PCDHA12: variants seen among roughly 807,000 people sequenced by gnomAD.
The protein encoded by PCDHA12 is protocadherin alpha 12.
A neutral mutation model predicts 60.0 loss-of-function variants in PCDHA12; 44 were observed. The observed-to-expected ratio is 0.73, with a 90% CI of 0.58 to 0.94. The LOEUF (loss-of-function observed/expected upper bound fraction) is 0.94. Among genes scored for constraint, PCDHA12 ranks in the 40% least tolerant of loss-of-function variants. PCDHA12 has a pLI of 0.00. For synonymous variants in PCDHA12, 569 were observed against 553.0 expected (o/e 1.03, Z -0.40); for missense variants, 1,276 against 1,239.7 (o/e 1.03, Z -0.44).
chr5:140,995,764 G>C (rs2097697128), intron 3 of PCDHA12, among the ~76,000 whole-genome samples: 1 of 152,134 alleles, frequency 6.6e-6, no homozygotes, highest in Non-Finnish European at 1.5e-5. Flanking sequence ...AGAAAATGTG[G>C]AGAGTGAAGG....
chr5:140,882,189 T>A, intron 1 of PCDHA12: 6 of 1,519,304 alleles, frequency 3.9e-6, no homozygotes, highest in Non-Finnish European at 5.3e-6. Context: ...TAGGAAGCCA[T>A]AAAAATTGGG....
intron 1 of PCDHA12, among the ~76,000 whole-genome samples, chr5:140,960,168 T>C (rs569250147): frequency 9.2e-5 from 14 of 152,300 alleles, no homozygotes; most frequent in African/African-American, 3.1e-4. Flanking sequence ...AATACAATTC[T>C]TAAGTTAGGG....
At chr5:140,884,130 C>G (rs1554181258) in intron 1 of PCDHA12, 4 of 1,613,434 alleles carry the variant, frequency 2.5e-6, no homozygotes, top group African/African-American at 1.3e-5. Context: ...GCGCGCATCC[C>G]GTTCCGCGTG....
chr5:141,002,023 G>GC (rs1479327416), intron 3 of PCDHA12, among the ~76,000 whole-genome samples: 4 of 152,186 alleles, frequency 2.6e-5, no homozygotes, highest in Admixed American at 6.5e-5. Flanking sequence ...ACAGCCTTCG[G>GC]TGCCCTGACT....
chr5:140,981,626 T>A (rs1199717691), intron 2 of PCDHA12, among the ~76,000 whole-genome samples: 1 of 152,176 alleles, frequency 6.6e-6, no homozygotes, highest in Middle Eastern at 3.2e-3. Flanking sequence ...GAGGGTTTTC[T>A]TGGACATTTT....
At chr5:140,973,628 T>G (rs1005772685) in intron 1 of PCDHA12, among the ~76,000 whole-genome samples, 13 of 152,250 alleles carry the variant, frequency 8.5e-5, no homozygotes, top group Admixed American at 2.6e-4. Context: ...TTCTGTATCT[T>G]GTACACATTC....
At chr5:140,956,195 G>A (rs1324151692) in intron 1 of PCDHA12, among the ~76,000 whole-genome samples, 1 of 152,178 alleles carries the variant, frequency 6.6e-6, no homozygotes, top group Non-Finnish European at 1.5e-5. Flanking sequence ...CTGAATAGGA[G>A]TGGTGAAAGA....
At chr5:140,923,434 G>A (rs1461886077) in intron 1 of PCDHA12, among the ~76,000 whole-genome samples, 1 of 152,088 alleles carries the variant, frequency 6.6e-6, no homozygotes, top group Non-Finnish European at 1.5e-5. Context: ...AGGCTGGGGT[G>A]GGAGGATCAC....
chr5:140,898,965 G>T (rs2067069000), intron 1 of PCDHA12, among the ~76,000 whole-genome samples: 1 of 152,044 alleles, frequency 6.6e-6, no homozygotes, highest in Non-Finnish European at 1.5e-5. Flanking sequence ...GTGAATGGGA[G>T]TTCACTCATG....
intron 1 of PCDHA12, among the ~76,000 whole-genome samples, chr5:140,944,948 A>T (rs1425847139): frequency 6.6e-6 from 1 of 152,200 alleles, no homozygotes; most frequent in African/African-American, 2.4e-5. Context: ...ATGATTGTGA[A>T]TAAGAGTATT....
chr5:140,892,424 C>T (rs1288815822), intron 1 of PCDHA12, among the ~76,000 whole-genome samples: 1 of 152,040 alleles, frequency 6.6e-6, no homozygotes, highest in Non-Finnish European at 1.5e-5. Context: ...CTAGATAAAA[C>T]CTCATTATCT....
At chr5:140,984,307 G>T (rs2153833813) in intron 3 of PCDHA12, among the ~76,000 whole-genome samples, 1 of 152,288 alleles carries the variant, frequency 6.6e-6, no homozygotes, top group Non-Finnish European at 1.5e-5. Context: ...GCTGGTTGGT[G>T]TGTATTCCTA....
chr5:140,881,353 G>A (rs537796043), intron 1 of PCDHA12: 1 of 985,178 alleles, frequency 1.0e-6, no homozygotes, highest in East Asian at 1.1e-4. Flanking sequence ...GCTACAATGC[G>A]TGGCTTTCGT....
chr5:140,967,009 T>G, intron 1 of PCDHA12: 1 of 1,606,176 alleles, frequency 6.2e-7, no homozygotes, highest in Non-Finnish European at 8.5e-7. Flanking sequence ...GCATCAACCA[T>G]CTGGGTGCGC....
At chr5:140,908,971 C>T (rs2074247509) in intron 1 of PCDHA12, among the ~76,000 whole-genome samples, 1 of 152,274 alleles carries the variant, frequency 6.6e-6, no homozygotes, top group Admixed American at 6.5e-5. Flanking sequence ...TGATAGGCCC[C>T]ACTCCACTGG....
At chr5:140,972,783 C>T (rs1437997582) in intron 1 of PCDHA12, among the ~76,000 whole-genome samples, 2 of 151,768 alleles carry the variant, frequency 1.3e-5, no homozygotes, top group African/African-American at 4.8e-5. Context: ...TCTGCCTCAG[C>T]CTCCTGAGTA....
intron 1 of PCDHA12, among the ~76,000 whole-genome samples, chr5:140,941,183 T>C (rs2092749314): frequency 8.3e-6 from 1 of 120,094 alleles, no homozygotes; most frequent in African/African-American, 3.0e-5. Flanking sequence ...AACATCCTGC[T>C]TCTTTTTTTT....
rs782807049 is a variant in PCDHA12, at chr5:140,877,206, C to G, written c.1734C>G (p.Ser578Arg). The stretch of plus-strand genomic sequence containing the variant: ...CTGGCAGCGCAGGAGGCGCAGTTAG[C>G]GAGTTGGTACCGCGGTCGGTGGGTG... ...TPAGSAGGAV[S>R]ELVPRSVGAG... The change falls in exon 1 of 4, where the codon AGC becomes AGG. Residue 578 changes from serine to arginine, a missense_variant. Transcript: ENST00000398631. 1 of 1,613,768 alleles carries G rather than the reference C, an allele frequency of 6.2e-7. No individual in the cohort carries two copies. The highest frequency in any genetic ancestry group is 1.1e-5 in the South Asian group (1 of 91,062).
intron 1 of PCDHA12, chr5:140,883,942 G>A (rs1223058684): frequency 1.9e-6 from 3 of 1,613,328 alleles, no homozygotes; most frequent in African/African-American, 2.7e-5. Context: ...TGCTGGACGA[G>A]AACGACAACG....
Sources: allele counts gnomAD v4.1 joint callset (sites outside exome capture counted in the v4.1 genomes callset), GRCh38; gene constraint gnomAD v4.1.1; transcripts MANE v1.5; gene names NCBI Gene and HGNC (gene_info 2026-07-23, HGNC 2026-07-21).